Variants in RBFOX1 observed in about 807,000 individuals in gnomAD.
The protein encoded by RBFOX1 is RNA binding fox-1 homolog 1, also known as RNA binding protein fox-1 homolog 1.
In RBFOX1, 8 loss-of-function variants were observed where a neutral mutation model predicts 57.7. The ratio of observed to expected loss-of-function variants is 0.14; its 90% CI spans 0.08 to 0.25. The LOEUF is 0.25. Among genes scored for constraint, RBFOX1 ranks in the 10% least tolerant of loss-of-function variants. The pLI, the probability that RBFOX1 is intolerant of heterozygous loss-of-function variation, is 1.00. For missense variants in RBFOX1, 611 were observed against 548.5 expected, an observed-to-expected ratio of 1.11 and a Z score of -1.14; for synonymous variants, 326 against 222.4, an observed-to-expected ratio of 1.47 and a Z score of -4.15.
At chr16:5,303,555 G>A (rs2063857073) in intron 1 of RBFOX1, among the ~76,000 whole-genome samples, 1 of 152,164 alleles carries the variant, frequency 6.6e-6, no homozygotes, top group Non-Finnish European at 1.5e-5. Flanking sequence ...ACAGATGCCA[G>A]TGTTTTAGAT....
intron 4 of RBFOX1, among the ~76,000 whole-genome samples, chr16:7,307,952 AT>A (rs1050073097): frequency 3.3e-5 from 5 of 152,174 alleles, no homozygotes; most frequent in African/African-American, 4.8e-5. Flanking sequence ...GAACTCACAT[AT>A]CCCCAATACT....
rs916510243 is a variant in RBFOX1 at position 7,615,447 on chromosome 16, T to C, written c.676+8109T>C. Among the ~76,000 whole-genome samples, 6 of 152,178 alleles carry C rather than the reference T, an allele frequency of 3.9e-5. No individual in the cohort carries two copies. The South Asian group carries it at 6.2e-4, about 16-fold the overall frequency. On this transcript the variant is annotated intron_variant, in intron 10 of 15. Coordinates refer to ENST00000550418, the MANE Select transcript of RBFOX1 (RefSeq NM_018723.4). ...ACATATATGTACGTAAATTAGAAGT[T>C]TTCAGGAGAAGTATTGTTACCTTCG...
chr16:6,784,419 G>T (rs995755643), intron 3 of RBFOX1, among the ~76,000 whole-genome samples: 2 of 151,934 alleles, frequency 1.3e-5, no homozygotes, highest in African/African-American at 4.8e-5. Flanking sequence ...GCATTTTTGT[G>T]TTGTTGATTG....
At chr16:6,711,438 A>T (rs1015897950) in intron 3 of RBFOX1, among the ~76,000 whole-genome samples, 9 of 152,164 alleles carry the variant, frequency 5.9e-5, no homozygotes, top group Non-Finnish European at 1.0e-4. Flanking sequence ...TCTCATCTTG[A>T]ATGGTAATCC....
rs137864734 is a variant in RBFOX1 at position 7,591,079 on chromosome 16, G to C, written c.468+3779G>C. Among the ~76,000 whole-genome samples, 327 of 152,158 alleles carry C rather than the reference G, an allele frequency of 2.1e-3. 1 individual carries two copies. Among genetic ancestry groups the C allele is most frequent in the South Asian group, 0.015 (71 of 4,800 alleles). ...TGATGGGAGAGGCCACTGAGAGTCCGGACAGGCAGGCTGATATTGTGAGAA... is the reference window on the plus strand; with the variant it reads ...TGATGGGAGAGGCCACTGAGAGTCCCGACAGGCAGGCTGATATTGTGAGAA... On this transcript the variant is annotated intron_variant, in intron 7 of 15. Transcript: ENST00000550418.
chr16:5,815,142 G>T (rs1462655880), intron 3 of RBFOX1, among the ~76,000 whole-genome samples: 1 of 146,304 alleles, frequency 6.8e-6, no homozygotes, highest in East Asian at 2.0e-4. Context: ...ACCAGGCCTG[G>T]CTAATTTAAT....
At chr16:6,676,609 C>G (rs1366499080) in intron 3 of RBFOX1, among the ~76,000 whole-genome samples, 1 of 151,820 alleles carries the variant, frequency 6.6e-6, no homozygotes, top group Non-Finnish European at 1.5e-5. Flanking sequence ...AAAAAGGATA[C>G]CAGGAGCCTT....
intron 4 of RBFOX1, among the ~76,000 whole-genome samples, chr16:7,130,205 T>A (rs2069877098): frequency 6.6e-6 from 1 of 151,972 alleles, no homozygotes; most frequent in Non-Finnish European, 1.5e-5. Flanking sequence ...AGCTAATTTT[T>A]GTATTTTTGG....
intron 1 of RBFOX1, among the ~76,000 whole-genome samples, chr16:6,072,888 G>T (rs143921502): frequency 2.2e-3 from 339 of 152,226 alleles, no homozygotes; most frequent in Middle Eastern, 0.01. Context: ...TCCTATGATT[G>T]TGGGGATGGT....
chr16:5,711,847 G>T (rs2051498550), intron 3 of RBFOX1, among the ~76,000 whole-genome samples: 1 of 152,214 alleles, frequency 6.6e-6, no homozygotes, highest in Non-Finnish European at 1.5e-5. Context: ...TGATGATGGT[G>T]ATGACAAAAA....
chr16:7,375,447 A>G (rs531595080), intron 4 of RBFOX1, among the ~76,000 whole-genome samples: 5 of 152,142 alleles, frequency 3.3e-5, no homozygotes, highest in Non-Finnish European at 5.9e-5. Flanking sequence ...TGGAATCTCA[A>G]TCCAGGAAAG....
intron 2 of RBFOX1, among the ~76,000 whole-genome samples, chr16:6,647,503 C>A (rs2098543407): frequency 6.6e-6 from 1 of 152,164 alleles, no homozygotes; most frequent in Non-Finnish European, 1.5e-5. Context: ...CTGCCTTAGA[C>A]TCCCAAAGTG....
intron 4 of RBFOX1, among the ~76,000 whole-genome samples, chr16:5,870,083 C>G (rs890312395): frequency 4.0e-5 from 6 of 150,748 alleles, no homozygotes; most frequent in Admixed American, 4.0e-4. Context: ...AGAATGTACC[C>G]TCCATGATTT....
At chr16:5,838,521 A>G (rs960535870) in intron 3 of RBFOX1, 1 of 156,570 alleles carries the variant, frequency 6.4e-6, no homozygotes, top group African/African-American at 2.4e-5. Flanking sequence ...GAAACTTGCT[A>G]TCTCATGTGC....
chr16:6,789,923 C>G (rs2082621039), intron 3 of RBFOX1, among the ~76,000 whole-genome samples: 1 of 151,656 alleles, frequency 6.6e-6, no homozygotes, highest in Admixed American at 6.6e-5. Context: ...TTAATTAGAT[C>G]TATAATTATT....
chr16:6,486,234 C>G (rs531846873), intron 2 of RBFOX1, among the ~76,000 whole-genome samples: 269 of 151,602 alleles, frequency 1.8e-3, no homozygotes, highest in Middle Eastern at 0.017. Context: ...TCATTGTTGT[C>G]TTTGATTTGA....
intron 3 of RBFOX1, among the ~76,000 whole-genome samples, chr16:6,968,604 C>A (rs1452613720): frequency 6.6e-6 from 1 of 151,400 alleles, no homozygotes; most frequent in Non-Finnish European, 1.5e-5. Context: ...GGATTCCTCC[C>A]ATCCTGTCAG....
chr16:6,547,038 C>A (rs1406466941), intron 2 of RBFOX1, among the ~76,000 whole-genome samples: 1 of 152,202 alleles, frequency 6.6e-6, no homozygotes, highest in African/African-American at 2.4e-5. Flanking sequence ...AGTGCCTGAG[C>A]ATGCGTATTA....
chr16:6,003,715 A>G (rs1296225813), intron 4 of RBFOX1, among the ~76,000 whole-genome samples: 1 of 152,132 alleles, frequency 6.6e-6, no homozygotes, highest in Non-Finnish European at 1.5e-5. Context: ...AAGTTCTTTA[A>G]CATCTCTTGG....
Sources: gnomAD v4.1 joint callset for allele counts (sites outside exome capture counted in the v4.1 genomes callset) on GRCh38, gnomAD v4.1.1 for gene constraint, MANE v1.5 for transcripts, NCBI Gene and HGNC (gene_info 2026-07-23, HGNC 2026-07-21) for gene names.